Variants in HIVEP1 observed in about 807,000 individuals in gnomAD.
HIVEP1 encodes the protein zinc finger protein 40.
A neutral mutation model predicts 180.0 loss-of-function variants in HIVEP1; 36 were observed. The ratio of observed to expected loss-of-function variants is 0.20; its 90% CI spans 0.15 to 0.26. The LOEUF (loss-of-function observed/expected upper bound fraction) is 0.26, where lower values mean the gene tolerates loss of function less well. HIVEP1 is among the 10% of genes least tolerant of loss of function. HIVEP1 has a pLI of 1.00. For missense variants in HIVEP1, 3,143 were observed against 3,268.7 expected, an observed-to-expected ratio of 0.96 and a Z score of 0.94; for synonymous variants, 1,239 against 1,239.0, an observed-to-expected ratio of 1.00 and a Z score of 0.00.
chr6:12,055,320 A>G (rs1342708230), intron 2 of HIVEP1, among the ~76,000 whole-genome samples: 1 of 152,090 alleles, frequency 6.6e-6, no homozygotes, highest in African/African-American at 2.4e-5. Flanking sequence ...TAAAAATGCA[A>G]AAATTAGCTG....
chr6:12,074,840 G>A (rs78943861), intron 2 of HIVEP1, among the ~76,000 whole-genome samples: 23,474 of 151,904 alleles, frequency 0.15, 2,403 homozygotes, highest in Non-Finnish European at 0.23. Context: ...ATGTATCCAT[G>A]TTTTCTTATG....
intron 1 of HIVEP1, among the ~76,000 whole-genome samples, 179 bp from the exon 2 acceptor site, chr6:12,015,347 A>T (rs1310114601): frequency 1.3e-5 from 2 of 152,204 alleles, no homozygotes; most frequent in Non-Finnish European, 2.9e-5. Context: ...CTTAATGAGA[A>T]GTCCCGATAC....
intron 2 of HIVEP1, among the ~76,000 whole-genome samples, chr6:12,051,990 A>G (rs1479045080): frequency 6.6e-6 from 1 of 152,082 alleles, no homozygotes; most frequent in East Asian, 1.9e-4. Context: ...GTGTGGGGGG[A>G]CTTTCCAACT....
intron 7 of HIVEP1, among the ~76,000 whole-genome samples, chr6:12,140,499 A>G (rs952331483): frequency 6.6e-6 from 1 of 152,240 alleles, no homozygotes; most frequent in African/African-American, 2.4e-5. Flanking sequence ...GCAATGGAAC[A>G]AAGCTGGATG....
chr6:12,061,104 A>G (rs1241631084), intron 2 of HIVEP1, among the ~76,000 whole-genome samples: 3 of 152,114 alleles, frequency 2.0e-5, no homozygotes, highest in African/African-American at 7.2e-5. Flanking sequence ...CCGACCTGTC[A>G]TGGCTGGTAA....
chr6:12,088,314 T>C (rs1265195734), intron 2 of HIVEP1, among the ~76,000 whole-genome samples: 1 of 152,106 alleles, frequency 6.6e-6, no homozygotes, highest in Non-Finnish European at 1.5e-5. Context: ...ATTATCAATA[T>C]TGTCTTCAGT....
At chr6:12,021,994 G>C (rs1768250183) in intron 2 of HIVEP1, among the ~76,000 whole-genome samples, 1 of 152,100 alleles carries the variant, frequency 6.6e-6, no homozygotes, top group Non-Finnish European at 1.5e-5. Context: ...GCAAACTAGA[G>C]GGTTGAGATG....
In HIVEP1 at chr6:12,151,331, G is replaced by T. The variant is rs1389733563; in HGVS notation, c.6488-10108G>T. On this transcript the variant is annotated intron_variant, in intron 7 of 8. Coordinates refer to ENST00000379388, the MANE Select transcript of HIVEP1 (RefSeq NM_002114.4). ...TTTAGGACCATTTATTTATGAATTT[G>T]CTAAGCAAATATAGATTCCTTAGGT... Among the ~76,000 whole-genome samples the T allele has an allele frequency of 5.3e-5, 8 of 152,144 alleles. No homozygotes were observed. In the East Asian group the frequency reaches 5.8e-4, roughly 11 times the overall value.
intron 2 of HIVEP1, among the ~76,000 whole-genome samples, chr6:12,016,234 G>C (rs538234473): frequency 1.8e-4 from 28 of 152,296 alleles, no homozygotes; most frequent in African/African-American, 6.3e-4. Flanking sequence ...AGACAGAAAA[G>C]TGTGTGTTTT....
At chr6:12,073,640 T>C (rs1772137607) in intron 2 of HIVEP1, among the ~76,000 whole-genome samples, 1 of 152,202 alleles carries the variant, frequency 6.6e-6, no homozygotes, top group African/African-American at 2.4e-5. Flanking sequence ...CAGCTCTTGG[T>C]CACTCTCCAG....
At chr6:12,098,862 A>G (rs895321332) in intron 3 of HIVEP1, among the ~76,000 whole-genome samples, 1 of 152,196 alleles carries the variant, frequency 6.6e-6, no homozygotes, top group Non-Finnish European at 1.5e-5. Context: ...TGCAAAGGGT[A>G]TTTTGTGGAG....
intron 6 of HIVEP1, among the ~76,000 whole-genome samples, chr6:12,134,820 G>T (rs1758617544): frequency 6.6e-6 from 1 of 152,198 alleles, no homozygotes; most frequent in African/African-American, 2.4e-5. Context: ...TACAACAGCT[G>T]CCAGAGGAAA....
At chr6:12,085,745 C>G (rs1007588559) in intron 2 of HIVEP1, among the ~76,000 whole-genome samples, 1 of 152,074 alleles carries the variant, frequency 6.6e-6, no homozygotes, top group Non-Finnish European at 1.5e-5. Flanking sequence ...CCTCCCCACA[C>G]GCACTTTAGC....
chr6:12,107,881 G>A (rs1184735325), intron 3 of HIVEP1, among the ~76,000 whole-genome samples: 3 of 150,430 alleles, frequency 2.0e-5, no homozygotes, highest in African/African-American at 7.5e-5. Context: ...GCGCTGATTG[G>A]TGCGTTTACA....
chr6:12,086,462 A>C (rs1367790556), intron 2 of HIVEP1, among the ~76,000 whole-genome samples: 1 of 152,112 alleles, frequency 6.6e-6, no homozygotes, highest in Non-Finnish European at 1.5e-5. Flanking sequence ...TCTTTGGGAA[A>C]TTGTTAACCC....
chr6:12,109,305 A>G (rs1347673231), intron 3 of HIVEP1, among the ~76,000 whole-genome samples: 1 of 152,196 alleles, frequency 6.6e-6, no homozygotes, highest in Non-Finnish European at 1.5e-5. Context: ...CATTTCTTAA[A>G]GCAGTGAAGT....
chr6:12,158,728 T>C, intron 7 of HIVEP1, among the ~76,000 whole-genome samples: 1 of 152,184 alleles, frequency 6.6e-6, no homozygotes, highest in East Asian at 1.9e-4. Flanking sequence ...GTGTATGTTT[T>C]TCCTGTTCCC....
chr6:12,092,265 C>T (rs9296262), intron 3 of HIVEP1, among the ~76,000 whole-genome samples: 13,008 of 152,078 alleles, frequency 0.086, 659 homozygotes, highest in Middle Eastern at 0.2. Flanking sequence ...TAAGTATGTA[C>T]CCCCAAACAA....
At chr6:12,141,691 C>CAAAAAAAAAAAAAAAAAAAAAAAA (rs60419579) in intron 7 of HIVEP1, among the ~76,000 whole-genome samples, 2 of 19,238 alleles carry the variant, frequency 1.0e-4, no homozygotes, top group Non-Finnish European at 1.6e-4. Flanking sequence ...AAATGGAAAG[C>CAAAAAAAAAAAAAAAAAAAAAAAA]AAAAAAAAAA....
Sources: gnomAD v4.1 joint callset for allele counts (sites outside exome capture counted in the v4.1 genomes callset) on GRCh38, gnomAD v4.1.1 for gene constraint, MANE v1.5 for transcripts, NCBI Gene and HGNC (gene_info 2026-07-23, HGNC 2026-07-21) for gene names.